OR8B2: variants seen among roughly 807,000 people sequenced by gnomAD.
The protein encoded by OR8B2 is olfactory receptor 8B2.
For synonymous variants in OR8B2, 98 were observed against 138.2 expected (o/e 0.71, Z 2.04); for missense variants, 304 against 379.6 (o/e 0.80, Z 1.65).
upstream of OR8B2, among the ~76,000 whole-genome samples, chr11:124,386,555 A>G (rs1044335718): frequency 7.5e-5 from 11 of 147,288 alleles, no homozygotes; most frequent in African/African-American, 2.6e-4. Flanking sequence ...ATGATTTCCA[A>G]TTTCATCCAT....
the OR8B2 span, among the ~76,000 whole-genome samples, chr11:124,389,914 G>A: frequency 6.6e-6 from 1 of 152,116 alleles, no homozygotes; most frequent in African/African-American, 2.4e-5. Context: ...GGGGGAAAGA[G>A]CAAAACATTG....
At chr11:124,386,013 C>T (rs1432344104), upstream of OR8B2, among the ~76,000 whole-genome samples, 3 of 152,070 alleles carry the variant, frequency 2.0e-5, no homozygotes, top group Non-Finnish European at 1.5e-5. Context: ...TATCTGCTGT[C>T]GTGAAATTGT....
At chr11:124,396,729 A>G in the OR8B2 span, 821 of 1,613,146 alleles carry the variant, frequency 5.1e-4, 6 homozygotes, top group Middle Eastern at 9.9e-4. Context: ...ACTGGGTACC[A>G]TGATATTAAT....
At chr11:124,391,683 A>G in the OR8B2 span, among the ~76,000 whole-genome samples, 1 of 152,146 alleles carries the variant, frequency 6.6e-6, no homozygotes, top group Non-Finnish European at 1.5e-5. Context: ...TACCAGAGGT[A>G]CAAGGAGGAA....
chr11:124,396,286 AATG>A, the OR8B2 span: 5 of 895,734 alleles, frequency 5.6e-6, no homozygotes, highest in Non-Finnish European at 8.2e-6. Context: ...TCATAAGAGA[AATG>A]ATAAGACAAG....
chr11:124,396,315 A>G, the OR8B2 span: 3 of 1,069,622 alleles, frequency 2.8e-6, no homozygotes, highest in Admixed American at 2.9e-5. Context: ...TAAATCACAC[A>G]TAACACCATC....
the OR8B2 span, among the ~76,000 whole-genome samples, chr11:124,395,318 T>A: frequency 2.0e-5 from 3 of 151,920 alleles, no homozygotes; most frequent in African/African-American, 7.2e-5. Flanking sequence ...ATTCAACAAC[T>A]ATTTCTTGAT....
At chr11:124,392,973 A>G in the OR8B2 span, among the ~76,000 whole-genome samples, 4 of 145,764 alleles carry the variant, frequency 2.7e-5, no homozygotes, top group African/African-American at 1.1e-4. Flanking sequence ...ATCTACAACT[A>G]TCTGATCTTT....
chr11:124,390,683 A>G, the OR8B2 span, among the ~76,000 whole-genome samples: 1 of 152,154 alleles, frequency 6.6e-6, no homozygotes, highest in Admixed American at 6.6e-5. Context: ...ATATAGTTAC[A>G]AATATTTTTC....
the OR8B2 span, among the ~76,000 whole-genome samples, chr11:124,395,196 G>A: frequency 6.6e-6 from 1 of 151,858 alleles, no homozygotes; most frequent in African/African-American, 2.4e-5. Context: ...CCCAGGAGGT[G>A]GAAGCTGCAA....
At chr11:124,392,824 G>A in the OR8B2 span, among the ~76,000 whole-genome samples, 1 of 150,544 alleles carries the variant, frequency 6.6e-6, no homozygotes, top group Non-Finnish European at 1.5e-5. Context: ...TAAGCCAGAA[G>A]AACAAAGCTG....
At chr11:124,384,207 A>G (rs1270214546) in intron 1 of OR8B2, among the ~76,000 whole-genome samples, 167 bp downstream of exon 1, 1 of 152,188 alleles carries the variant, frequency 6.6e-6, no homozygotes, top group Non-Finnish European at 1.5e-5. Context: ...TGCTATTGCT[A>G]TCCTGATACC....
the OR8B2 span, among the ~76,000 whole-genome samples, chr11:124,393,062 T>C: frequency 3.4e-5 from 5 of 145,302 alleles, no homozygotes; most frequent in Admixed American, 6.8e-5. Context: ...GCTAGCCATA[T>C]GTAGAAAGCT....
chr11:124,386,401 T>TC (rs1289457179), upstream of OR8B2, among the ~76,000 whole-genome samples: 4 of 87,336 alleles, frequency 4.6e-5, no homozygotes, highest in African/African-American at 9.2e-5. Context: ...AAGCTATCCC[T>TC]CCCCCCTCCC....
chr11:124,397,020 TC>T, the OR8B2 span: 2 of 1,613,816 alleles, frequency 1.2e-6, no homozygotes, highest in South Asian at 2.2e-5. Context: ...CATGTAACAT[TC>T]AGAGATGACA....
intron 1 of OR8B2, among the ~76,000 whole-genome samples, chr11:124,384,132 A>G (rs1396400190): frequency 6.6e-6 from 1 of 152,110 alleles, no homozygotes; most frequent in Non-Finnish European, 1.5e-5. Flanking sequence ...ATGTCAATAT[A>G]TTTTTAATAA....
the OR8B2 span, chr11:124,395,941 T>C: frequency 6.5e-6 from 1 of 153,982 alleles, no homozygotes; most frequent in African/African-American, 2.4e-5. Flanking sequence ...GATCAAGGGG[T>C]GCTCATTCTG....
intron 1 of OR8B2, among the ~76,000 whole-genome samples, chr11:124,383,851 G>T (rs1206848298): frequency 2.0e-5 from 3 of 152,154 alleles, no homozygotes; most frequent in Non-Finnish European, 4.4e-5. Context: ...AATCCATGAA[G>T]TCACCGGGTG....
In OR8B2 at chr11:124,384,445, C is replaced by G. The variant is rs1428105094; in HGVS notation, c.-89G>C. 6 of 152,218 alleles carry G rather than the reference C, an allele frequency of 3.9e-5. No individual in the cohort carries two copies. The highest frequency in any genetic ancestry group is 1.4e-4 in the African/African-American group (6 of 41,472). 9.4% of individuals were successfully genotyped at this position (152,218 alleles called of 1,614,324 possible). A position where few individuals can be genotyped will look rare whatever the true frequency, so the allele number is the denominator to read the frequency against. ...CACCTCCACTGCCCTGGAGGTAGAA[C>G]TGGTGGTGAAGGTATCTACGTTGAC... On this transcript the variant is annotated 5_prime_UTR_variant, in exon 1 of 2. Coordinates refer to ENST00000641451, the MANE Select transcript of OR8B2 (RefSeq NM_001005468.2).
Sources: allele counts gnomAD v4.1 joint callset (sites outside exome capture counted in the v4.1 genomes callset), GRCh38; gene constraint gnomAD v4.1.1; transcripts MANE v1.5; gene names NCBI Gene and HGNC (gene_info 2026-07-23, HGNC 2026-07-21).